TG: variants seen among roughly 807,000 people sequenced by gnomAD.
TG encodes the protein thyroid hormones.
In TG, 270 loss-of-function variants were observed where a neutral mutation model predicts 324.7. That is an observed-to-expected ratio of 0.83 (90% confidence interval 0.75 to 0.92). TG has a LOEUF of 0.92. Ranked by LOEUF, TG falls within the 40% of genes least tolerant of loss-of-function variation. The pLI is 0.00. For missense variants in TG, 3,591 were observed against 3,456.4 expected (o/e 1.04, Z -0.98); for synonymous variants, 1,401 against 1,327.0 (o/e 1.06, Z -1.21).
chr8:133,027,747 G>A (rs1836240108), intron 40 of TG, among the ~76,000 whole-genome samples: 1 of 152,196 alleles, frequency 6.6e-6, no homozygotes, highest in African/African-American at 2.4e-5. Context: ...TGAATGTTAG[G>A]ACAGAATTCT....
chr8:133,133,425 A>T, intron 46 of TG, 45 bp from the exon 47 acceptor site: 1 of 1,591,704 alleles, frequency 6.3e-7, no homozygotes, highest in Non-Finnish European at 8.6e-7. Context: ...ATGAAAGGAA[A>T]GACAAATTTC....
chr8:132,960,752 G>A (rs936963835), intron 27 of TG, among the ~76,000 whole-genome samples: 5 of 152,140 alleles, frequency 3.3e-5, no homozygotes, highest in Non-Finnish European at 7.4e-5. Context: ...ACTCTCCCGA[G>A]TCATAGGTTC....
chr8:133,097,826 T>C (rs761594579), intron 43 of TG, among the ~76,000 whole-genome samples: 14 of 152,168 alleles, frequency 9.2e-5, no homozygotes, highest in Non-Finnish European at 2.1e-4. Context: ...TGCGTGTGTA[T>C]GTAGAGAGAG....
At chr8:133,024,915 A>G (rs1035590097) in intron 40 of TG, among the ~76,000 whole-genome samples, 2 of 151,464 alleles carry the variant, frequency 1.3e-5, no homozygotes, top group Non-Finnish European at 2.9e-5. Context: ...GCGATTCCTC[A>G]AAAATCTAGA....
intron 35 of TG, chr8:133,002,237 A>G: frequency 1.0e-6 from 1 of 985,476 alleles, no homozygotes; most frequent in Non-Finnish European, 1.2e-6. Context: ...ACCTGCCAGC[A>G]AGCGGCAGAC....
At chr8:132,983,711 A>G (rs1308061797) in intron 35 of TG, 10 of 485,708 alleles carry the variant, frequency 2.1e-5, no homozygotes, top group Admixed American at 3.3e-5. Context: ...ATTTCGCCCT[A>G]TCGAGTAATG....
chr8:132,929,503 A>G (rs1393193887), intron 23 of TG, among the ~76,000 whole-genome samples: 1 of 152,200 alleles, frequency 6.6e-6, no homozygotes, highest in Non-Finnish European at 1.5e-5. Context: ...GTGGGGCCAG[A>G]GAGGTGGTAA....
chr8:133,039,658 G>A (rs1837785352), intron 41 of TG, among the ~76,000 whole-genome samples: 1 of 152,316 alleles, frequency 6.6e-6, no homozygotes, highest in South Asian at 2.1e-4. Flanking sequence ...AATTTACACA[G>A]GATGTGTTAC....
At chr8:132,879,355 C>A (rs1205000039) in intron 5 of TG, among the ~76,000 whole-genome samples, 1 of 152,150 alleles carries the variant, frequency 6.6e-6, no homozygotes, top group Non-Finnish European at 1.5e-5. Context: ...ACTTGGGATT[C>A]TTGGCCCCTG....
At chr8:133,132,994 A>G (rs902107171) in intron 46 of TG, among the ~76,000 whole-genome samples, 3 of 152,224 alleles carry the variant, frequency 2.0e-5, no homozygotes, top group Non-Finnish European at 4.4e-5. Flanking sequence ...GCATGCCGGA[A>G]GACGGGCCTG....
intron 41 of TG, among the ~76,000 whole-genome samples, chr8:133,052,633 TAA>T (rs1437375229): frequency 6.6e-6 from 1 of 152,230 alleles, no homozygotes; most frequent in Non-Finnish European, 1.5e-5. Flanking sequence ...ACAGTTGTGT[TAA>T]GTTTGAAGCC....
intron 13 of TG, 29 bp downstream of exon 13, chr8:132,898,275 T>C: frequency 6.4e-7 from 1 of 1,561,550 alleles, no homozygotes; most frequent in Middle Eastern, 2.3e-4. Flanking sequence ...GTTCTCCTCC[T>C]GACCCCCCTT....
At position 132,951,128 on chromosome 8, in the gene TG, A is replaced by G. The variant is rs150996592; in HGVS notation, c.5401+2185A>G. Reference sequence around the variant, plus strand: ...GCAGAGTTCCTGATCTGTGGTATTGATATTAGATGATGTTATCATTATTTT... The same window carrying G: ...GCAGAGTTCCTGATCTGTGGTATTGGTATTAGATGATGTTATCATTATTTT... On this transcript the variant is annotated intron_variant, in intron 27 of 47. Transcript: ENST00000220616. Among the ~76,000 whole-genome samples the G allele has an allele frequency of 2.5e-3, 387 of 152,160 alleles. 3 individuals carry two copies. Among genetic ancestry groups the G allele is most frequent in the Admixed American group, 2.6e-3 (39 of 15,292 alleles).
chr8:133,039,470 G>A (rs868746385), intron 41 of TG, among the ~76,000 whole-genome samples: 10 of 152,082 alleles, frequency 6.6e-5, no homozygotes, highest in Admixed American at 2.0e-4. Context: ...GATTGATACT[G>A]AATTATTAAG....
chr8:132,979,651 A>G (rs902868337), intron 34 of TG, among the ~76,000 whole-genome samples: 2 of 152,316 alleles, frequency 1.3e-5, no homozygotes, highest in African/African-American at 4.8e-5. Context: ...GGTAGGGCCT[A>G]CTGTTACCCC....
At position 132,887,324 on chromosome 8, in the gene TG, T is replaced by G; in HGVS notation, c.1952T>G (p.Val651Gly). The change falls in exon 9 of 48, where the codon GTC (valine) becomes GGC (glycine). Residue 651 changes from valine to glycine, a missense_variant. Physicochemically the swap from Val to Gly is moderately radical, Grantham distance 109. Transcript: ENST00000220616. ...GGCAAAGAGCTTCCAGGCTCAAGAGTCAGAGGTGGACAGCCAAGGTGCCCC... is the reference window on the plus strand; with the variant it reads ...GGCAAAGAGCTTCCAGGCTCAAGAGGCAGAGGTGGACAGCCAAGGTGCCCC... ...SWGKELPGSR[V>G]RGGQPRCPTD... 5 of 1,609,902 alleles carry G rather than the reference T, an allele frequency of 3.1e-6. No homozygotes were observed. Among genetic ancestry groups the G allele is most frequent in the Non-Finnish European group, 4.2e-6 (5 of 1,176,802 alleles).
intron 43 of TG, among the ~76,000 whole-genome samples, chr8:133,102,170 A>G (rs1224840621): frequency 6.6e-6 from 1 of 152,254 alleles, no homozygotes; most frequent in Non-Finnish European, 1.5e-5. Flanking sequence ...AATTATACAC[A>G]GAAAGCAGGA....
chr8:132,910,303 G>A lies in TG; in HGVS notation c.4003-1074G>A, dbSNP rs1002180388. Among the ~76,000 whole-genome samples the A allele has an allele frequency of 6.6e-5, 10 of 152,274 alleles. No individual in the cohort carries two copies. In the East Asian group the frequency reaches 1.9e-3, roughly 29 times the overall value. On this transcript the variant is annotated intron_variant, in intron 18 of 47. Coordinates refer to ENST00000220616, the MANE Select transcript of TG (RefSeq NM_003235.5). Reference sequence around the variant, plus strand: ...GTAGTTGAGGCCTTTTGTGGTGAAGGCTGAGGGCCAGGGCCACGTCAACTC... The same window carrying A: ...GTAGTTGAGGCCTTTTGTGGTGAAGACTGAGGGCCAGGGCCACGTCAACTC...
Position 132,908,320 on chromosome 8 carries a change from C to T in TG, c.3982C>T (p.Arg1328Cys), listed in dbSNP as rs535936483. ...TTTCATATTGGATGAGCTGACAGCC[C>T]GCGGCTTCTGCCAGATCCAGGTACA... ...QVFILDELTA[R>C]GFCQIQVKTF... Residue 1328 changes from arginine to cysteine, a missense_variant, in exon 18 of 48, where the codon CGC becomes TGC. Coordinates refer to ENST00000220616, the MANE Select transcript of TG (RefSeq NM_003235.5). 5.7e-6 allele frequency: 9 copies of T among 1,573,462 alleles called. No individual in the cohort carries two copies. Among genetic ancestry groups the T allele is most frequent in the South Asian group, 2.2e-5 (2 of 89,472 alleles).
Sources: allele counts gnomAD v4.1 joint callset (sites outside exome capture counted in the v4.1 genomes callset), GRCh38; gene constraint gnomAD v4.1.1; transcripts MANE v1.5; gene names NCBI Gene and HGNC (gene_info 2026-07-23, HGNC 2026-07-21).